TACC2: variants seen among roughly 807,000 people sequenced by gnomAD.
TACC2 encodes the protein transforming acidic coiled-coil containing protein 2, also known as transforming acidic coiled-coil-containing protein 2.
Under a neutral mutation model 227.3 loss-of-function variants are expected in TACC2, and 137 were observed. The observed-to-expected ratio is 0.60, with a 90% CI of 0.52 to 0.69. The LOEUF is 0.69. Among genes scored for constraint, TACC2 ranks in the 30% least tolerant of loss-of-function variants. TACC2 has a pLI of 0.00. For synonymous variants in TACC2, 1,523 were observed against 1,487.5 expected (o/e 1.02, Z -0.55); for missense variants, 3,470 against 3,694.4 (o/e 0.94, Z 1.57).
chr10:122,031,397 CTTTTTTTTTTTTTTT>C (rs758476678), intron 2 of TACC2, among the ~76,000 whole-genome samples: 4 of 91,740 alleles, frequency 4.4e-5, no homozygotes, highest in Non-Finnish European at 8.0e-5. Flanking sequence ...GGTCTAGCCT[CTTTTTTTTTTTTTTT>C]TTTTTTTTTT....
chr10:122,031,427 T>G (rs979819985), intron 2 of TACC2, among the ~76,000 whole-genome samples: 2 of 125,724 alleles, frequency 1.6e-5, no homozygotes, highest in African/African-American at 6.5e-5. Flanking sequence ...TTTTTTGAGA[T>G]GGAGTCTCGC....
chr10:122,034,550 G>T (rs1015979968), intron 2 of TACC2, among the ~76,000 whole-genome samples: 1 of 152,176 alleles, frequency 6.6e-6, no homozygotes, highest in African/African-American at 2.4e-5. Flanking sequence ...AGGAAGTGGA[G>T]AGAGGAGAAT....
intron 3 of TACC2, among the ~76,000 whole-genome samples, chr10:122,069,614 T>C (rs1371640557): frequency 1.3e-5 from 2 of 152,296 alleles, no homozygotes; most frequent in East Asian, 3.9e-4. Context: ...TAATCCTCCA[T>C]TAGCCCAACC....
At chr10:122,069,382 C>T (rs1480489500) in intron 3 of TACC2, among the ~76,000 whole-genome samples, 1 of 152,160 alleles carries the variant, frequency 6.6e-6, no homozygotes, top group East Asian at 1.9e-4. Flanking sequence ...GCTGGGACTA[C>T]AGGTGCCCAC....
At chr10:122,074,081 CTTTTTT>C (rs3981240) in intron 3 of TACC2, among the ~76,000 whole-genome samples, 1 of 132,178 alleles carries the variant, frequency 7.6e-6, no homozygotes, top group Admixed American at 8.0e-5. Flanking sequence ...CACCCGGCAT[CTTTTTT>C]TTTTTTTTTT....
rs141694507 is a variant in TACC2, at chr10:121,992,741, G to A, written c.-46+3253G>A. Among the ~76,000 whole-genome samples, 14 of 152,266 alleles carry A rather than the reference G, an allele frequency of 9.2e-5. No homozygotes were observed. The East Asian group carries it at 2.7e-3, about 29-fold the overall frequency. On this transcript the variant is annotated intron_variant, in intron 1 of 22. Transcript: ENST00000369005. ...AGGCCAAGGAGGGTGGATTGCCTGA[G>A]CTCAGGAGTTTGAGACCAGCCTGGG...
chr10:122,213,924 A>T (rs1434149617), intron 9 of TACC2, among the ~76,000 whole-genome samples: 2 of 152,200 alleles, frequency 1.3e-5, no homozygotes, highest in African/African-American at 4.8e-5. Flanking sequence ...AGCCATCGCC[A>T]GGCTGCCCCA....
chr10:122,019,937 A>G (rs1957132788), intron 1 of TACC2: 1 of 152,174 alleles, frequency 6.6e-6, no homozygotes, highest in African/African-American at 2.4e-5. Flanking sequence ...AAAGCCGGAG[A>G]GGGTGGTGGT....
intron 2 of TACC2, chr10:122,033,149 C>T (rs1323178740): frequency 5.4e-6 from 7 of 1,289,278 alleles, no homozygotes; most frequent in African/African-American, 1.5e-5. Context: ...CCTGAGCCCA[C>T]ACAGGTACTG....
intron 1 of TACC2, among the ~76,000 whole-genome samples, chr10:122,020,444 T>G (rs1354399255): frequency 6.6e-6 from 1 of 152,098 alleles, no homozygotes; most frequent in Non-Finnish European, 1.5e-5. Flanking sequence ...TTTTCTTAGT[T>G]TGGAGGCATT....
chr10:122,054,947 T>C (rs1246608627), intron 3 of TACC2, among the ~76,000 whole-genome samples: 1 of 152,092 alleles, frequency 6.6e-6, no homozygotes, highest in Non-Finnish European at 1.5e-5. Flanking sequence ...GGGCAGGGCA[T>C]GGTGGCTCAC....
At chr10:122,206,436 G>A (rs35176001) in intron 8 of TACC2, among the ~76,000 whole-genome samples, 38,468 of 152,094 alleles carry the variant, frequency 0.25, 6,013 homozygotes, top group Middle Eastern at 0.39. Context: ...GGGTTCATAC[G>A]GGTGGGGCCC....
intron 8 of TACC2, among the ~76,000 whole-genome samples, chr10:122,202,837 T>G (rs1278839150): frequency 4.0e-5 from 6 of 150,742 alleles, no homozygotes; most frequent in Non-Finnish European, 7.4e-5. Context: ...CCTGGGTACT[T>G]GAGATTAGGG....
chr10:122,138,664 A>G (rs2090064182), intron 6 of TACC2, among the ~76,000 whole-genome samples: 1 of 152,204 alleles, frequency 6.6e-6, no homozygotes, highest in African/African-American at 2.4e-5. Flanking sequence ...TTGTGAAGCC[A>G]GCACCCAGCG....
intron 7 of TACC2, among the ~76,000 whole-genome samples, chr10:122,162,470 A>G (rs1222046607): frequency 6.6e-6 from 1 of 152,212 alleles, no homozygotes; most frequent in Non-Finnish European, 1.5e-5. Context: ...TCTTCCACTT[A>G]CCCATCAGAG....
intron 2 of TACC2, among the ~76,000 whole-genome samples, chr10:122,044,394 C>T (rs1053233944): frequency 2.0e-5 from 3 of 152,220 alleles, no homozygotes; most frequent in African/African-American, 7.2e-5. Flanking sequence ...GGAAGATGGG[C>T]AGCCGGCTGG....
chr10:122,151,848 T>C (rs771384675), intron 7 of TACC2, among the ~76,000 whole-genome samples: 2 of 152,200 alleles, frequency 1.3e-5, no homozygotes, highest in Non-Finnish European at 2.9e-5. Context: ...GCATTTGCTC[T>C]GTGCAAGGCT....
At chr10:122,216,928 A>T (rs1352557270) in intron 11 of TACC2, 100 bp downstream of exon 11, 1 of 1,599,326 alleles carries the variant, frequency 6.3e-7, no homozygotes. Context: ...CCAGGTAACC[A>T]CGTGATCATC....
intron 2 of TACC2, among the ~76,000 whole-genome samples, chr10:122,026,030 A>C (rs10887051): frequency 0.15 from 23,032 of 150,858 alleles, 2,137 homozygotes; most frequent in Admixed American, 0.23. Context: ...AAAGAGTATA[A>C]TTTTGAGGCT....
Sources: allele counts gnomAD v4.1 joint callset (sites outside exome capture counted in the v4.1 genomes callset), GRCh38; gene constraint gnomAD v4.1.1; transcripts MANE v1.5; gene names NCBI Gene and HGNC (gene_info 2026-07-23, HGNC 2026-07-21).